OPCML: variants seen among roughly 807,000 people sequenced by gnomAD.
OPCML encodes the protein opioid-binding protein/cell adhesion molecule.
OPCML carries 13 observed loss-of-function variants against 37.8 expected under a neutral mutation model. The ratio of observed to expected loss-of-function variants is 0.34; its 90% CI spans 0.22 to 0.55. The LOEUF (loss-of-function observed/expected upper bound fraction) is 0.55. Among genes scored for constraint, OPCML ranks in the 20% least tolerant of loss-of-function variants. The pLI is 0.91. For synonymous variants in OPCML, 176 were observed against 168.8 expected (o/e 1.04, Z -0.33); for missense variants, 341 against 435.6 (o/e 0.78, Z 1.93).
chr11:132,907,988 C>T (rs1045078095), intron 2 of OPCML, among the ~76,000 whole-genome samples: 1 of 152,138 alleles, frequency 6.6e-6, no homozygotes, highest in Non-Finnish European at 1.5e-5. Context: ...TAAATGAGTT[C>T]CAAAACATAT....
At chr11:133,396,929 A>G (rs571355803) in intron 1 of OPCML, among the ~76,000 whole-genome samples, 2 of 152,330 alleles carry the variant, frequency 1.3e-5, no homozygotes, top group East Asian at 3.9e-4. Context: ...GCTGTAGTAT[A>G]GAAATATGTA....
At position 133,427,219 on chromosome 11, in the gene OPCML, G is replaced by T. The variant is rs904086793; in HGVS notation, c.61+105045C>A. On this transcript the variant is annotated intron_variant, in intron 1 of 7. Transcript: ENST00000524381. ...CCTAATCTACCATATCACAAAAAAG[G>T]CATCAATAAATTCTTAGTAGCAGAA... 2.6e-5 allele frequency among the ~76,000 whole-genome samples: 4 copies of T among 152,104 alleles called. No homozygotes were observed. The East Asian group carries it at 5.8e-4, about 22-fold the overall frequency.
At chr11:132,510,047 C>A (rs1470782855) in intron 4 of OPCML, among the ~76,000 whole-genome samples, 2 of 152,208 alleles carry the variant, frequency 1.3e-5, no homozygotes, top group Non-Finnish European at 2.9e-5. Context: ...CTGCCCAAGA[C>A]CATGGGAACC....
chr11:133,420,931 T>C, intron 1 of OPCML: 1 of 985,328 alleles, frequency 1.0e-6, no homozygotes, highest in Non-Finnish European at 1.2e-6. Flanking sequence ...CAGTGGCTGA[T>C]AATTGGTCTT....
chr11:133,402,979 G>T (rs1945441258), intron 1 of OPCML, among the ~76,000 whole-genome samples: 1 of 152,192 alleles, frequency 6.6e-6, no homozygotes, highest in African/African-American at 2.4e-5. Flanking sequence ...ATTCCTACTG[G>T]AAGTCTTCTT....
intron 1 of OPCML, among the ~76,000 whole-genome samples, chr11:133,402,797 G>A (rs987515557): frequency 2.0e-5 from 3 of 152,012 alleles, no homozygotes; most frequent in Non-Finnish European, 4.4e-5. Flanking sequence ...TGCCCTGCCC[G>A]CATCTGCAGA....
At chr11:132,541,746 A>G (rs1278824864) in intron 3 of OPCML, among the ~76,000 whole-genome samples, 1 of 152,182 alleles carries the variant, frequency 6.6e-6, no homozygotes, top group African/African-American at 2.4e-5. Context: ...TGTGTCTCCC[A>G]TTGACTGACT....
At position 132,717,276 on chromosome 11, in the gene OPCML, A is replaced by G. The variant is rs1237517240; in HGVS notation, c.147-59957T>C. Among the ~76,000 whole-genome samples, 3 of 152,270 alleles carry G rather than the reference A, an allele frequency of 2.0e-5. No homozygotes were observed. The South Asian group carries it at 6.2e-4, about 32-fold the overall frequency. On this transcript the variant is annotated intron_variant, in intron 2 of 7. Transcript: ENST00000524381. ...ATATAAATTAATGCTCAGAGATAATACCAGAATTTTTTTTTAATAATGGAA... is the reference window on the plus strand; with the variant it reads ...ATATAAATTAATGCTCAGAGATAATGCCAGAATTTTTTTTTAATAATGGAA...
At chr11:132,765,788 G>C (rs1946422254) in intron 2 of OPCML, among the ~76,000 whole-genome samples, 1 of 152,288 alleles carries the variant, frequency 6.6e-6, no homozygotes. Flanking sequence ...TGCCCTAGCA[G>C]TATTGAAAAC....
Position 133,230,249 on chromosome 11 carries a change from C to A in OPCML, c.62-287239G>T, listed in dbSNP as rs116261615. Among the ~76,000 whole-genome samples the A allele has an allele frequency of 7.4e-3, 1,122 of 152,310 alleles. 15 individuals are homozygous for A. Among genetic ancestry groups the A allele is most frequent in the African/African-American group, 0.025 (1,051 of 41,568 alleles). ...CAAATTCAGTGGAAAGGGGAACACT[C>A]ATCTTGGCTCATGGTGTCATGAAGC... is the stretch of plus-strand genomic sequence containing the variant. On this transcript the variant is annotated intron_variant, in intron 1 of 7. Coordinates refer to ENST00000524381, the MANE Select transcript of OPCML (RefSeq NM_001012393.5).
At chr11:133,513,621 C>T (rs1028324775) in intron 1 of OPCML, among the ~76,000 whole-genome samples, 4 of 152,108 alleles carry the variant, frequency 2.6e-5, no homozygotes, top group Non-Finnish European at 4.4e-5. Flanking sequence ...GTTTTGTTAA[C>T]GTGTTTACAG....
chr11:132,534,117 C>G lies in OPCML; in HGVS notation c.380-4931G>C, dbSNP rs113857526. ...CTCTATCCTCTCCCTGAAATCCTCA[C>G]CATCCTATTCTTCACATGTGTAATT... On this transcript the variant is annotated intron_variant, in intron 3 of 7. Transcript: ENST00000524381. Among the ~76,000 whole-genome samples the G allele has an allele frequency of 6.0e-3, 916 of 152,238 alleles. 13 individuals carry two copies. The highest frequency in any genetic ancestry group is 0.021 in the African/African-American group (859 of 41,526).
At chr11:132,589,317 C>T (rs1454399949) in intron 3 of OPCML, among the ~76,000 whole-genome samples, 1 of 152,076 alleles carries the variant, frequency 6.6e-6, no homozygotes, top group Non-Finnish European at 1.5e-5. Context: ...CATGTGGATG[C>T]TATAAAAAAA....
chr11:132,581,786 G>T (rs1253933043), intron 3 of OPCML, among the ~76,000 whole-genome samples: 1 of 152,034 alleles, frequency 6.6e-6, no homozygotes, highest in Non-Finnish European at 1.5e-5. Flanking sequence ...GCTTCTGCTT[G>T]ACTGCCATGA....
chr11:133,102,497 G>A (rs757223940), intron 1 of OPCML, among the ~76,000 whole-genome samples: 23 of 152,056 alleles, frequency 1.5e-4, no homozygotes, highest in Non-Finnish European at 2.6e-4. Flanking sequence ...GCCTGTAATC[G>A]CAGAACTTTG....
intron 2 of OPCML, among the ~76,000 whole-genome samples, chr11:132,849,046 T>C (rs921350734): frequency 5.2e-4 from 79 of 152,344 alleles, no homozygotes; most frequent in African/African-American, 1.8e-3. Flanking sequence ...AGCATGATGA[T>C]GACAGAAGGA....
chr11:132,699,612 TTCTA>T (rs1241269383), intron 2 of OPCML, among the ~76,000 whole-genome samples: 29 of 152,104 alleles, frequency 1.9e-4, no homozygotes, highest in Non-Finnish European at 1.5e-5. Context: ...ATCATATAAC[TTCTA>T]TCTTTCATTC....
At chr11:132,791,237 T>C (rs1469716403) in intron 2 of OPCML, among the ~76,000 whole-genome samples, 3 of 152,172 alleles carry the variant, frequency 2.0e-5, no homozygotes, top group African/African-American at 7.2e-5. Context: ...ACATCTTCTT[T>C]TGGCCACTTC....
At chr11:133,519,958 C>G (rs7107604) in intron 1 of OPCML, among the ~76,000 whole-genome samples, 4 of 152,040 alleles carry the variant, frequency 2.6e-5, no homozygotes, top group African/African-American at 9.7e-5. Context: ...CAAAGCTAGA[C>G]GGTGCCACCT....
Sources: gnomAD v4.1 joint callset for allele counts (sites outside exome capture counted in the v4.1 genomes callset) on GRCh38, gnomAD v4.1.1 for gene constraint, MANE v1.5 for transcripts, NCBI Gene and HGNC (gene_info 2026-07-23, HGNC 2026-07-21) for gene names.